Variants in SDK1 observed in about 807,000 individuals in gnomAD.
SDK1 encodes the protein sidekick cell adhesion molecule 1.
Under a neutral mutation model 245.5 loss-of-function variants are expected in SDK1, and 157 were observed. That is an observed-to-expected ratio of 0.64 (90% CI 0.56 to 0.73). The LOEUF (loss-of-function observed/expected upper bound fraction) is 0.73, where lower values mean the gene tolerates loss of function less well. Ranked by LOEUF, SDK1 falls within the 30% of genes least tolerant of loss-of-function variation. The probability of loss-of-function intolerance (pLI) is 0.00; values close to 1 mark genes in which losing one functional copy is unlikely to be tolerated. For synonymous variants in SDK1, 1,647 were observed against 1,278.5 expected (o/e 1.29, Z -6.15); for missense variants, 3,583 against 3,002.3 (o/e 1.19, Z -4.52).
chr7:3,954,534 C>T (rs1423029603), intron 7 of SDK1, among the ~76,000 whole-genome samples: 1 of 28,318 alleles, frequency 3.5e-5, no homozygotes. Context: ...CCCCTCCCAC[C>T]TCCCCTTTAC....
chr7:4,079,625 G>A lies in SDK1; in HGVS notation c.3324+41G>A, dbSNP rs61735758. ...GACTGGGAGCTGGCATTTGCGAAGAGCAGTGTTGGGGCCTGTGAATGAGTG... is the reference window on the plus strand; with the variant it reads ...GACTGGGAGCTGGCATTTGCGAAGAACAGTGTTGGGGCCTGTGAATGAGTG... On this transcript the variant is annotated intron_variant, in intron 22 of 44. Transcript: ENST00000404826. 29 of 1,612,208 alleles carry A rather than the reference G, an allele frequency of 1.8e-5. 2 individuals are homozygous for A. The South Asian group carries it at 2.3e-4, about 13-fold the overall frequency.
intron 1 of SDK1, among the ~76,000 whole-genome samples, chr7:3,592,975 A>T (rs1348341035): frequency 1.3e-5 from 2 of 152,194 alleles, no homozygotes; most frequent in Non-Finnish European, 2.9e-5. Context: ...ACTTGTACCT[A>T]GGACAAGATT....
At chr7:4,083,684 C>CTTTACTTTCTCCCTTCTTT (rs138463022) in intron 22 of SDK1, among the ~76,000 whole-genome samples, 1 of 832 alleles carries the variant, frequency 1.2e-3, no homozygotes, top group African/African-American at 3.5e-3. Context: ...TCTCTCCCTT[C>CTTTACTTTCTCCCTTCTTT]ACTTCTTCCC....
At position 3,977,544 on chromosome 7, in the gene SDK1, C is replaced by G. The variant is rs372359884; in HGVS notation, c.1994+2999C>G. ...TCTGCCCTTCATGAGCCCCAGCCAT[C>G]CACTGTCTCTGCGGTTGGGTGCTGT... On this transcript the variant is annotated intron_variant, in intron 13 of 44. Coordinates refer to ENST00000404826, the MANE Select transcript of SDK1 (RefSeq NM_152744.4). Among the ~76,000 whole-genome samples, 443 of 152,374 alleles carry G rather than the reference C, an allele frequency of 2.9e-3. 4 individuals carry two copies. The highest frequency in any genetic ancestry group is 6.8e-3 in the Middle Eastern group (2 of 294).
In SDK1 at chr7:4,226,034, T is replaced by A. The variant is rs1785426085; in HGVS notation, c.5827+4670T>A. 1.3e-5 allele frequency among the ~76,000 whole-genome samples: 2 copies of A among 152,196 alleles called. 1 individual carries two copies. Among genetic ancestry groups the A allele is most frequent in the South Asian group, 4.1e-4 (2 of 4,830 alleles). On this transcript the variant is annotated intron_variant, in intron 40 of 44. Coordinates refer to ENST00000404826, the MANE Select transcript of SDK1 (RefSeq NM_152744.4). Reference sequence around the variant, plus strand: ...CAGCTCAGGCAAATGAAACGCTTTATGGATTGTCAATATTTAAGCACCTTG... The same window carrying A: ...CAGCTCAGGCAAATGAAACGCTTTAAGGATTGTCAATATTTAAGCACCTTG...
At chr7:3,324,953 C>G (rs1017859099) in intron 1 of SDK1, among the ~76,000 whole-genome samples, 4 of 152,096 alleles carry the variant, frequency 2.6e-5, no homozygotes, top group African/African-American at 9.7e-5. Context: ...TAACAGAGGA[C>G]AAGCTTTAGG....
chr7:3,374,713 C>G (rs1372020924), intron 1 of SDK1, among the ~76,000 whole-genome samples: 1 of 152,142 alleles, frequency 6.6e-6, no homozygotes, highest in Admixed American at 6.5e-5. Context: ...CCCCACTACA[C>G]ACACCCACAC....
At chr7:4,137,385 G>T (rs562182179) in intron 28 of SDK1, among the ~76,000 whole-genome samples, 1 of 152,318 alleles carries the variant, frequency 6.6e-6, no homozygotes, top group South Asian at 2.1e-4. Context: ...GGCTGACCTG[G>T]AGCTGAGATG....
At chr7:3,416,998 C>T (rs2128579404) in intron 1 of SDK1, among the ~76,000 whole-genome samples, 1 of 152,146 alleles carries the variant, frequency 6.6e-6, no homozygotes, top group East Asian at 1.9e-4. Flanking sequence ...CATGGTGAAA[C>T]ACTGTCTCTA....
chr7:3,752,418 G>T (rs1428523818), intron 4 of SDK1, among the ~76,000 whole-genome samples: 1 of 152,084 alleles, frequency 6.6e-6, no homozygotes, highest in East Asian at 1.9e-4. Flanking sequence ...CTGACCTCAA[G>T]ATTTTAATAG....
intron 44 of SDK1, among the ~76,000 whole-genome samples, chr7:4,264,301 G>T (rs1312393078): frequency 1.7e-5 from 2 of 115,134 alleles, no homozygotes; most frequent in Non-Finnish European, 1.8e-5. Flanking sequence ...TGGGGAGGCC[G>T]TGTAGACCTC....
At chr7:4,076,498 G>T (rs1780687543) in intron 20 of SDK1, among the ~76,000 whole-genome samples, 1 of 152,232 alleles carries the variant, frequency 6.6e-6, no homozygotes. Context: ...TGAGGCTGCA[G>T]TGAGCTATGA....
At chr7:4,133,379 G>T (rs1000470629) in intron 28 of SDK1, among the ~76,000 whole-genome samples, 2 of 152,204 alleles carry the variant, frequency 1.3e-5, no homozygotes, top group African/African-American at 4.8e-5. Flanking sequence ...GTACAGTGGG[G>T]GGTGAGGAAT....
chr7:3,633,490 C>T (rs948475340), intron 2 of SDK1, among the ~76,000 whole-genome samples: 4 of 152,046 alleles, frequency 2.6e-5, no homozygotes, highest in African/African-American at 9.7e-5. Flanking sequence ...ATTTTAGTGG[C>T]TCATACTCAA....
At chr7:3,891,104 A>G (rs976649073) in intron 5 of SDK1, among the ~76,000 whole-genome samples, 3 of 152,138 alleles carry the variant, frequency 2.0e-5, no homozygotes, top group African/African-American at 7.2e-5. Context: ...ATAGAACTGG[A>G]AACACAGTAG....
chr7:3,632,185 A>C (rs1028962919), intron 2 of SDK1, among the ~76,000 whole-genome samples: 1 of 152,236 alleles, frequency 6.6e-6, no homozygotes, highest in Non-Finnish European at 1.5e-5. Flanking sequence ...ATTAATGCTC[A>C]CAGTAGATTT....
At chr7:3,502,794 G>T (rs1782260902) in intron 1 of SDK1, among the ~76,000 whole-genome samples, 3 of 152,156 alleles carry the variant, frequency 2.0e-5, no homozygotes, top group Admixed American at 2.0e-4. Flanking sequence ...TCTTACACGT[G>T]AGAGGGCTGT....
Position 3,693,972 on chromosome 7 carries a change from G to T in SDK1, c.713+51867G>T, listed in dbSNP as rs546499733. On this transcript the variant is annotated intron_variant, in intron 4 of 44. Coordinates refer to ENST00000404826, the MANE Select transcript of SDK1 (RefSeq NM_152744.4). ...TGCATGCTGCCTTGCTCCCTCACTC[G>T]TCCCACCTGCATGTGACTGACTCTT... Among the ~76,000 whole-genome samples, 9 of 152,228 alleles carry T rather than the reference G, an allele frequency of 5.9e-5. 2 individuals carry two copies. In the South Asian group the frequency reaches 1.9e-3, roughly 32 times the overall value.
chr7:4,059,075 C>T (rs1779377217), intron 19 of SDK1, among the ~76,000 whole-genome samples: 1 of 151,932 alleles, frequency 6.6e-6, no homozygotes, highest in African/African-American at 2.4e-5. Context: ...TAGAATAAGC[C>T]CTGACATATC....
Sources: allele counts gnomAD v4.1 joint callset (sites outside exome capture counted in the v4.1 genomes callset), GRCh38; gene constraint gnomAD v4.1.1; transcripts MANE v1.5; gene names NCBI Gene and HGNC (gene_info 2026-07-23, HGNC 2026-07-21).